CYGB: variants seen among roughly 807,000 people sequenced by gnomAD.
The protein encoded by CYGB is cytoglobin, also known as histoglobin.
CYGB carries 13 observed loss-of-function variants against 20.7 expected under a neutral mutation model. The observed-to-expected ratio is 0.63, with a 90% CI of 0.41 to 1.00. CYGB has a LOEUF of 1.00. Among genes scored for constraint, CYGB ranks in the 50% least tolerant of loss-of-function variants. The pLI is 0.00. For synonymous variants in CYGB, 93 were observed against 107.4 expected, an observed-to-expected ratio of 0.87 and a Z score of 0.83; for missense variants, 218 against 257.2, an observed-to-expected ratio of 0.85 and a Z score of 1.04.
intron 1 of CYGB, among the ~76,000 whole-genome samples, chr17:76,534,146 T>TTCTCTCTCTC (rs71158013): frequency 0.056 from 7,236 of 128,842 alleles, 297 homozygotes; most frequent in Non-Finnish European, 0.081. Flanking sequence ...CTCTTTCTCT[T>TTCTCTCTCTC]TCTCTCTCTC....
intron 1 of CYGB, among the ~76,000 whole-genome samples, chr17:76,548,454 C>T (rs768130343): frequency 4.6e-5 from 7 of 152,218 alleles, no homozygotes; most frequent in Non-Finnish European, 8.8e-5. Context: ...GAGTGACACT[C>T]GAGGAGAGAC....
chr17:76,544,194 C>T (rs1451862673), intron 1 of CYGB: 3 of 454,420 alleles, frequency 6.6e-6, no homozygotes, highest in Admixed American at 2.3e-5. Context: ...CTTCAAAAAC[C>T]CCCCGTGCCT....
intron 3 of CYGB, chr17:76,529,165 A>G: frequency 1.0e-6 from 1 of 982,712 alleles, no homozygotes; most frequent in South Asian, 4.7e-5. Flanking sequence ...AGGGCCTTCT[A>G]GGACTCTACT....
intron 1 of CYGB, chr17:76,544,375 G>A (rs1448378412): frequency 4.4e-6 from 2 of 454,848 alleles, no homozygotes; most frequent in South Asian, 3.1e-5. Context: ...GAAAGGGTGA[G>A]GGATGCCGCA....
At chr17:76,540,310 G>GAACCTTC (rs2074975583), upstream of CYGB, 2 of 1,410,938 alleles carry the variant, frequency 1.4e-6, no homozygotes, top group Admixed American at 3.9e-5. The surrounding 1 kb of genome is among the most constrained non-coding windows in gnomAD (Gnocchi z 5.0). Context: ...GGGGCTGCGT[G>GAACCTTC]AACCTTCAGC....
intron 1 of CYGB, among the ~76,000 whole-genome samples, chr17:76,548,179 C>T (rs1002987925): frequency 7.3e-5 from 11 of 151,360 alleles, no homozygotes; most frequent in South Asian, 6.3e-4. Flanking sequence ...ACATATACAC[C>T]GACACATACA....
intron 3 of CYGB, chr17:76,529,441 A>C: frequency 5.1e-6 from 5 of 982,266 alleles, no homozygotes; most frequent in Non-Finnish European, 6.0e-6. Flanking sequence ...CTTAGTCCCT[A>C]GGGCAGGGTG....
chr17:76,529,457 G>C lies in CYGB; in HGVS notation c.540-846C>G, dbSNP rs552413552. On this transcript the variant is annotated intron_variant, in intron 3 of 3. Coordinates refer to ENST00000293230, the MANE Select transcript of CYGB (RefSeq NM_134268.5). The stretch of plus-strand genomic sequence containing the variant: ...TTAGTCCCTAGGGCAGGGTGGGGAG[G>C]GCAGGACGGGCAGCGTGCTGGGGAA... 1.1e-4 allele frequency: 105 copies of C among 985,452 alleles called. No individual in the cohort carries two copies. In the South Asian group the frequency reaches 4.7e-3, roughly 44 times the overall value. 61.0% of individuals were successfully genotyped at this position (985,452 alleles called of 1,614,324 possible).
At chr17:76,535,813 A>G (rs4789309) in intron 1 of CYGB, among the ~76,000 whole-genome samples, 148,864 of 152,196 alleles carry the variant, frequency 0.98, 72,889 homozygotes, top group Middle Eastern at 1. Context: ...ATGGTGTTCC[A>G]TGATGTGGAC....
chr17:76,531,566 T>C lies in CYGB; in HGVS notation c.269A>G (p.Asn90Ser). The C allele has an allele frequency of 6.2e-7, 1 of 1,614,108 alleles. No individual in the cohort carries two copies. The highest frequency in any genetic ancestry group is 1.1e-5 in the South Asian group (1 of 91,086). Residue 90 changes from asparagine (N) to serine (S), a missense_variant, in exon 2 of 4, where the codon AAC becomes AGC. Asn to Ser is a conservative substitution (Grantham distance 46). This residue lies in a region of CYGB where 152 missense variants were observed against 149.9 expected (regional missense o/e 1.01). Transcript: ENST00000293230. The surrounding 1 kb of genome is among the most constrained non-coding windows in gnomAD (Gnocchi z 7.4). ...GTCATGCAGGTTCTCCACGACAGTG[T>C]TGAGGGCCCCCATGACTCGGCAGGC... ...KHACRVMGALNTVVENLHDPD... is the reference protein window; with the variant it reads ...KHACRVMGALSTVVENLHDPD...
rs1275608513 is a variant in CYGB at position 76,531,434 on chromosome 17, G to A, written c.375+26C>T. On this transcript the variant is annotated intron_variant, in intron 2 of 3. Transcript: ENST00000293230. The surrounding 1 kb of genome is among the most constrained non-coding windows in gnomAD (Gnocchi z 7.4). Reference sequence around the variant, plus strand: ...TGGCCATGACGCGTGGGCGGTGGGGGCTCTGCAGCAGATGGGGGCGCATAC... The same window carrying A: ...TGGCCATGACGCGTGGGCGGTGGGGACTCTGCAGCAGATGGGGGCGCATAC... 1.3e-6 allele frequency: 2 copies of A among 1,592,696 alleles called. No individual in the cohort carries two copies. Among genetic ancestry groups the A allele is most frequent in the Non-Finnish European group, 1.7e-6 (2 of 1,162,550 alleles).
intron 1 of CYGB, chr17:76,544,205 C>A (rs1225347625): frequency 2.2e-6 from 1 of 454,558 alleles, no homozygotes; most frequent in South Asian, 1.6e-5. Context: ...CCCCGTGCCT[C>A]TGTGCACACG....
chr17:76,531,835 C>A lies in CYGB; in HGVS notation c.144-144G>T. On this transcript the variant is annotated intron_variant, in intron 1 of 3. Transcript: ENST00000293230. The surrounding 1 kb of genome is among the most constrained non-coding windows in gnomAD (Gnocchi z 7.4). The stretch of plus-strand genomic sequence containing the variant: ...CACTGTTTTCACTACCATCAGTAGA[C>A]CTCAGCATAGACCCTCCTCCCTCTG... 1.5e-6 allele frequency: 1 copy of A among 672,684 alleles called. No homozygotes were observed. Among genetic ancestry groups the A allele is most frequent in the Non-Finnish European group, 2.5e-6 (1 of 400,986 alleles). The allele number at this position is 672,684 out of a possible 1,614,324, so 41.7% of individuals were successfully genotyped here.
intron 1 of CYGB, chr17:76,542,895 G>A: frequency 1.7e-6 from 1 of 590,358 alleles, no homozygotes; most frequent in Non-Finnish European, 3.3e-6. Flanking sequence ...TGGCGAGGTG[G>A]TCGTGCTGGG....
intron 3 of CYGB, chr17:76,529,075 C>G (rs1294319508): frequency 2.2e-5 from 10 of 448,354 alleles, no homozygotes; most frequent in Non-Finnish European, 2.6e-5. Flanking sequence ...CACGCAAAGG[C>G]GCACACCCTG....
At chr17:76,545,246 C>G in intron 1 of CYGB, 1 of 456,788 alleles carries the variant, frequency 2.2e-6, no homozygotes, top group South Asian at 1.5e-5. Flanking sequence ...CCTAGAGCTC[C>G]CCACAGAAGG....
At chr17:76,536,890 C>G (rs932125461) in intron 1 of CYGB, among the ~76,000 whole-genome samples, 2 of 152,286 alleles carry the variant, frequency 1.3e-5, no homozygotes, top group South Asian at 4.1e-4. Context: ...CTGGACCCCC[C>G]GGGCTCTCCT....
Position 76,545,646 on chromosome 17 carries a change from T to G in CYGB, c.-53+5216A>C, listed in dbSNP as rs2075046957. 5 of 320,584 alleles carry G rather than the reference T, an allele frequency of 1.6e-5. No homozygotes were observed. In the Admixed American group the frequency reaches 1.6e-4, roughly 10 times the overall value. The allele number at this position is 320,584 out of a possible 1,614,324, so 19.9% of individuals were successfully genotyped here. On this transcript the variant is annotated intron_variant, in intron 1 of 3. Transcript: ENST00000589145. ...TACCTCTGTGGCCTGGGTAAGTTTC[T>G]GAACACCTCTGTGCCTCAGTTTCTT...
upstream of CYGB, chr17:76,540,690 C>A: frequency 9.6e-7 from 1 of 1,040,260 alleles, no homozygotes; most frequent in Non-Finnish European, 1.5e-6. The surrounding 1 kb of genome is among the most constrained non-coding windows in gnomAD (Gnocchi z 5.0). Context: ...GTATCCTGGC[C>A]CTTGCCCTAA....
Sources: allele counts gnomAD v4.1 joint callset (sites outside exome capture counted in the v4.1 genomes callset), GRCh38; gene constraint gnomAD v4.1.1; regional missense constraint gnomAD v4.1.1; non-coding constraint Gnocchi (gnomAD v3.1); transcripts MANE v1.5; gene names NCBI Gene and HGNC (gene_info 2026-07-23, HGNC 2026-07-21).